The following WDR1 variants were observed in gnomAD, a reference collection of about 807,000 sequenced individuals.
WDR1 encodes the protein WD repeat-containing protein 1.
Under a neutral mutation model 71.9 loss-of-function variants are expected in WDR1, and 21 were observed. That is an observed-to-expected ratio of 0.29 (90% CI 0.21 to 0.42). The LOEUF is 0.42. Among genes scored for constraint, WDR1 ranks in the 10% least tolerant of loss-of-function variants. The pLI is 1.00. For synonymous variants in WDR1, 424 were observed against 347.4 expected (o/e 1.22, Z -2.45); for missense variants, 696 against 824.5 (o/e 0.84, Z 1.91).
At chr4:10,075,573 T>A in intron 14 of WDR1, 89 bp from the exon 15 acceptor site, 2 of 1,218,694 alleles carry the variant, frequency 1.6e-6, no homozygotes, top group Non-Finnish European at 2.4e-6. Context: ...AACCTGTGCC[T>A]AAATCATCTC....
chr4:10,085,052 C>T (rs1215861222), intron 8 of WDR1, among the ~76,000 whole-genome samples: 3 of 152,232 alleles, frequency 2.0e-5, no homozygotes, highest in African/African-American at 4.8e-5. Flanking sequence ...TGTCCGTGAA[C>T]GCTGACGCTC....
intron 2 of WDR1, chr4:10,108,458 C>A (rs936186256): frequency 6.6e-6 from 1 of 152,246 alleles, no homozygotes; most frequent in Non-Finnish European, 1.5e-5. Flanking sequence ...GCCTGCTGTG[C>A]CCTCCTTTAG....
At chr4:10,101,962 G>A (rs1363669442) in intron 3 of WDR1, among the ~76,000 whole-genome samples, 1 of 152,246 alleles carries the variant, frequency 6.6e-6, no homozygotes, top group Non-Finnish European at 1.5e-5. Context: ...GGATGTAAAT[G>A]AGAGCATGTT....
rs369477614 is a variant in WDR1 at position 10,087,676 on chromosome 4, C to T, written c.951+31G>A. The T allele has an allele frequency of 5.4e-4, 835 of 1,536,298 alleles. 9 individuals carry two copies. In the South Asian group the frequency reaches 7.6e-3, roughly 14 times the overall value. On this transcript the variant is annotated intron_variant, in intron 8 of 14. Coordinates refer to ENST00000499869, the MANE Select transcript of WDR1 (RefSeq NM_017491.5). ...TCTGGTCTCTTCCCTGTCCACCCAG[C>T]GGGCAGAGCCTTCCCCAGGGCAGGC...
rs941479993 is a variant in WDR1, at chr4:10,116,765, C to G, written c.-99G>C. 8.1e-7 allele frequency: 1 copy of G among 1,230,390 alleles called. No individual in the cohort carries two copies. 76.2% of individuals were successfully genotyped at this position (1,230,390 alleles called of 1,614,324 possible). A position where few individuals can be genotyped will look rare whatever the true frequency, so the allele number is the denominator to read the frequency against. On this transcript the variant is annotated 5_prime_UTR_variant, in exon 1 of 15. Coordinates refer to ENST00000499869, the MANE Select transcript of WDR1 (RefSeq NM_017491.5). ...CCGAGGCCGAGCCCGGGGACTGGAG[C>G]CGGAAGGCGGCACCGGGCGTGCCGG...
intron 9 of WDR1, 107 bp downstream of exon 9, chr4:10,084,336 G>A (rs1765126849): frequency 1.0e-6 from 1 of 986,394 alleles, no homozygotes; most frequent in Admixed American, 2.0e-5. Flanking sequence ...TGTGGCTGTG[G>A]CTGCAGCTGG....
intron 8 of WDR1, among the ~76,000 whole-genome samples, chr4:10,087,066 G>A (rs1039297125): frequency 3.9e-5 from 6 of 152,204 alleles, no homozygotes; most frequent in Admixed American, 6.5e-5. Flanking sequence ...GAACCCTTCC[G>A]GGTTAGGGTT....
At position 10,116,189 on chromosome 4, in the gene WDR1, T is replaced by C. The variant is rs1238716363; in HGVS notation, c.62A>G (p.Lys21Arg). 6.2e-7 allele frequency: 1 copy of C among 1,613,722 alleles called. No individual in the cohort carries two copies. Among genetic ancestry groups the C allele is most frequent in the East Asian group, 2.2e-5 (1 of 44,882 alleles). Residue 21 changes from lysine (K) to arginine (R), a missense_variant, in exon 2 of 15, where the codon AAG becomes AGG. Transcript: ENST00000499869. ...SLPQVERGVS[K>R]IIGGDPKGNN... ...GCCCTTAGGGTCGCCGCCGATGATC[T>C]TGGAGACGCCCCTCTCCACCTGCGG... is the stretch of plus-strand genomic sequence containing the variant.
chr4:10,077,097 A>T, intron 14 of WDR1: 2 of 682,452 alleles, frequency 2.9e-6, no homozygotes, highest in South Asian at 4.0e-5. Context: ...TGTCCTGTGC[A>T]TGGGGCCCCC....
chr4:10,104,981 C>G (rs1478170370), intron 2 of WDR1, among the ~76,000 whole-genome samples: 1 of 152,166 alleles, frequency 6.6e-6, no homozygotes, highest in Non-Finnish European at 1.5e-5. Context: ...GCCCCCATCT[C>G]ACGAGACTGA....
intron 11 of WDR1, among the ~76,000 whole-genome samples, chr4:10,080,894 A>T (rs1213023617): frequency 1.3e-5 from 2 of 152,358 alleles, no homozygotes; most frequent in East Asian, 3.9e-4. Flanking sequence ...AAGGAGACTT[A>T]CATGTACTTC....
At chr4:10,114,940 G>A (rs1292563502) in intron 2 of WDR1, among the ~76,000 whole-genome samples, 1 of 152,144 alleles carries the variant, frequency 6.6e-6, no homozygotes, top group Non-Finnish European at 1.5e-5. Context: ...GCAGCTCTTC[G>A]GACCAAGAGG....
chr4:10,103,172 A>AAAAC (rs1712799742), intron 3 of WDR1, among the ~76,000 whole-genome samples: 2 of 152,176 alleles, frequency 1.3e-5, no homozygotes, highest in African/African-American at 4.8e-5. Context: ...GTGTACAAAT[A>AAAAC]AAACGTGAGC....
chr4:10,087,879 A>C lies in WDR1; in HGVS notation c.779T>G (p.Ile260Ser). 1 of 1,565,868 alleles carries C rather than the reference A, an allele frequency of 6.4e-7. No homozygotes were observed. The highest frequency in any genetic ancestry group is 8.7e-7 in the Non-Finnish European group (1 of 1,154,374). Residue 260 changes from isoleucine (I) to serine (S), a missense_variant, in exon 8 of 15, where the codon ATT becomes AGT. By Grantham distance (142) the Ile-to-Ser change is moderately radical. Transcript: ENST00000499869. ...LSASGDKTSK[I>S]WDVSVNSVVS... ...CACGGAGTTCACGCTGACGTCCCAA[A>C]TCTTGGAAGTTTTGTCCCCAGAAGC...
Position 10,087,796 on chromosome 4 carries a change from GC to G in WDR1, c.861del (p.Trp287CysfsTer40). On this transcript the variant is annotated frameshift_variant, in exon 8 of 15. Coordinates refer to ENST00000499869, the MANE Select transcript of WDR1 (RefSeq NM_017491.5). LOFTEE classifies it high-confidence loss of function. ...TVLDQQLGCL[W>X]QKDHLLSVSL... Reference sequence around the variant, plus strand: ...GAGACACTGAGCAGGTGGTCCTTCTGCCATAGGCAGCCCAGCTGCTGGTCCA... The same window carrying G: ...GAGACACTGAGCAGGTGGTCCTTCTGCATAGGCAGCCCAGCTGCTGGTCCA... The G allele has an allele frequency of 6.3e-7, 1 of 1,596,536 alleles. No homozygotes were observed. The highest frequency in any genetic ancestry group is 8.5e-7 in the Non-Finnish European group (1 of 1,171,162).
chr4:10,106,148 A>C (rs1419534101), intron 2 of WDR1, among the ~76,000 whole-genome samples: 1 of 152,132 alleles, frequency 6.6e-6, no homozygotes, highest in East Asian at 1.9e-4. Flanking sequence ...GAGTGACAGG[A>C]ATGTTCTGTC....
intron 2 of WDR1, among the ~76,000 whole-genome samples, chr4:10,115,465 C>T (rs1713654060): frequency 1.3e-5 from 2 of 152,264 alleles, no homozygotes; most frequent in South Asian, 4.2e-4. Context: ...TCTGGCTGGC[C>T]CAGAGGCCCG....
chr4:10,085,591 G>A (rs1357600121), intron 8 of WDR1, among the ~76,000 whole-genome samples: 4 of 152,326 alleles, frequency 2.6e-5, no homozygotes, highest in African/African-American at 7.2e-5. Context: ...CTCGGCAAGA[G>A]GCCAAGAGAC....
At chr4:10,100,731 T>G (rs533861942) in intron 3 of WDR1, among the ~76,000 whole-genome samples, 265 of 152,260 alleles carry the variant, frequency 1.7e-3, no homozygotes, top group African/African-American at 6.2e-3. Flanking sequence ...CCTGGAGATC[T>G]GCTTAGTTAA....
Sources: gnomAD v4.1 joint callset for allele counts (sites outside exome capture counted in the v4.1 genomes callset) on GRCh38, gnomAD v4.1.1 for gene constraint, MANE v1.5 for transcripts, NCBI Gene and HGNC (gene_info 2026-07-23, HGNC 2026-07-21) for gene names.